MLYCD: variants seen among roughly 807,000 people sequenced by gnomAD.
MLYCD encodes the protein malonyl-CoA decarboxylase, mitochondrial.
Under a neutral mutation model 35.8 loss-of-function variants are expected in MLYCD, and 27 were observed. The observed-to-expected ratio is 0.75, with a 90% CI of 0.56 to 1.04. MLYCD has a LOEUF of 1.04. Among genes scored for constraint, MLYCD ranks in the 50% least tolerant of loss-of-function variants. MLYCD has a pLI of 0.00. For missense variants in MLYCD, 917 were observed against 665.1 expected (o/e 1.38, Z -4.17); for synonymous variants, 403 against 302.4 (o/e 1.33, Z -3.45).
At chr16:83,910,288 C>G (rs1273433612) in intron 3 of MLYCD, among the ~76,000 whole-genome samples, 7 of 151,162 alleles carry the variant, frequency 4.6e-5, no homozygotes, top group Non-Finnish European at 1.0e-4. Context: ...ATACATACCT[C>G]ACTTGTATAA....
intron 1 of MLYCD, among the ~76,000 whole-genome samples, chr16:83,906,510 G>C (rs373746789): frequency 6.6e-6 from 1 of 152,206 alleles, no homozygotes; most frequent in Non-Finnish European, 1.5e-5. Flanking sequence ...TAGGGTTCCT[G>C]AACCAAGTAC....
chr16:83,905,276 C>T (rs1436332095), intron 1 of MLYCD, among the ~76,000 whole-genome samples: 1 of 151,774 alleles, frequency 6.6e-6, no homozygotes, highest in Admixed American at 6.6e-5. Flanking sequence ...TAGGTGTTGC[C>T]CATTGTGTTC....
intron 1 of MLYCD, 75 bp downstream of exon 1, chr16:83,899,747 A>G: frequency 7.1e-7 from 1 of 1,418,256 alleles, no homozygotes; most frequent in South Asian, 1.4e-5. Context: ...TGCCCCCTCC[A>G]AGTCCCACAC....
chr16:83,906,193 C>G (rs1022067715), intron 1 of MLYCD, among the ~76,000 whole-genome samples: 19 of 152,172 alleles, frequency 1.2e-4, no homozygotes, highest in African/African-American at 4.3e-4. Context: ...TCGAGACTAG[C>G]CTGGGCAACG....
chr16:83,909,377 C>T (rs1269823566), intron 3 of MLYCD, among the ~76,000 whole-genome samples: 3 of 152,110 alleles, frequency 2.0e-5, no homozygotes, highest in Admixed American at 6.6e-5. Context: ...AGACACATGG[C>T]GCGGCCTCGT....
In MLYCD at chr16:83,908,210, C is replaced by A; in HGVS notation, c.726C>A (p.His242Gln). ...ACAGAAGGTGTTACTTCTTTTCTCA[C>A]TGTTCGACCCCTGGGGAGCCCCTGG... ...GPYRRCYFFS[H>Q]CSTPGEPLVV... The change falls in exon 3 of 5, where the codon CAC becomes CAA. Residue 242 changes from histidine (H) to glutamine (Q), a missense_variant. Physicochemically the swap from His to Gln is conservative, Grantham distance 24 (BLOSUM62 0). Transcript: ENST00000262430. 2.5e-6 allele frequency: 4 copies of A among 1,614,242 alleles called. No homozygotes were observed. The South Asian group carries it at 3.3e-5, about 13-fold the overall frequency.
chr16:83,920,180 T>TTTTGTTTTGC lies in MLYCD; in HGVS notation c.*4695_*4704dup, dbSNP rs1341155984. The stretch of plus-strand genomic sequence containing the variant: ...AACACACACCCTGTGCACAGTTTTG[T>TTTTGTTTTGC]TTTGTTTTGCTTTTGCAATTCCAGG... On this transcript the variant is annotated 3_prime_UTR_variant, in exon 5 of 5. Transcript: ENST00000262430. 4 of 152,144 alleles carry TTTTGTTTTGC rather than the reference T, an allele frequency of 2.6e-5. No homozygotes were observed. The highest frequency in any genetic ancestry group is 9.7e-5 in the African/African-American group (4 of 41,422). 9.4% of individuals were successfully genotyped at this position (152,144 alleles called of 1,614,324 possible). A position where few individuals can be genotyped will look rare whatever the true frequency, so the allele number is the denominator to read the frequency against.
rs1187732633 is a variant in MLYCD at position 83,923,692 on chromosome 16, G to A, written c.*8203G>A. 6.6e-6 allele frequency: 1 copy of A among 152,372 alleles called. No homozygotes were observed. Among genetic ancestry groups the A allele is most frequent in the African/African-American group, 2.4e-5 (1 of 41,462 alleles). 9.4% of individuals were successfully genotyped at this position (152,372 alleles called of 1,614,324 possible). ...GGCGATGAGGCGGCGAGCTGGGAGAGGGCTGAGCAGCTGGTGAGGGCAGAG... is the reference window on the plus strand; with the variant it reads ...GGCGATGAGGCGGCGAGCTGGGAGAAGGCTGAGCAGCTGGTGAGGGCAGAG... On this transcript the variant is annotated 3_prime_UTR_variant, in exon 5 of 5. Coordinates refer to ENST00000262430, the MANE Select transcript of MLYCD (RefSeq NM_012213.3).
At chr16:83,899,955 C>T (rs190125457) in intron 1 of MLYCD, among the ~76,000 whole-genome samples, 6 of 152,212 alleles carry the variant, frequency 3.9e-5, no homozygotes, top group African/African-American at 1.2e-4. Flanking sequence ...TAGCTGTCAC[C>T]TCTCGTACCT....
At chr16:83,902,924 G>A (rs1275150649) in intron 1 of MLYCD, among the ~76,000 whole-genome samples, 1 of 152,170 alleles carries the variant, frequency 6.6e-6, no homozygotes, top group Non-Finnish European at 1.5e-5. Flanking sequence ...GTGTCCCTGT[G>A]GTTGCATGGT....
intron 3 of MLYCD, among the ~76,000 whole-genome samples, chr16:83,909,870 T>C (rs1907112086): frequency 1.3e-5 from 2 of 150,912 alleles, no homozygotes; most frequent in South Asian, 2.1e-4. Context: ...CGACCTCAGG[T>C]GATCTGCCCG....
rs957673180 is a variant in MLYCD at position 83,901,419 on chromosome 16, T to A, written c.528+1747T>A. On this transcript the variant is annotated intron_variant, in intron 1 of 4. Coordinates refer to ENST00000262430, the MANE Select transcript of MLYCD (RefSeq NM_012213.3). ...TGGGTGTCCTGGCATAAGACACACT[T>A]GACACACTAATCATTCAGCATTTGT... 2.0e-5 allele frequency among the ~76,000 whole-genome samples: 3 copies of A among 152,204 alleles called. 1 individual carries two copies. Among genetic ancestry groups the A allele is most frequent in the Non-Finnish European group, 4.4e-5 (3 of 68,032 alleles).
rs1368434021 is a variant in MLYCD at position 83,918,191 on chromosome 16, TTTC to T, written c.*2705_*2707del. ...GGTTTTATTTATCACTCAGGCAGAG[TTTC>T]TTAACCTTTTGTGAGTTACAGATCA... On this transcript the variant is annotated 3_prime_UTR_variant, in exon 5 of 5. Coordinates refer to ENST00000262430, the MANE Select transcript of MLYCD (RefSeq NM_012213.3). 6.6e-6 allele frequency: 1 copy of T among 152,246 alleles called. No homozygotes were observed. The highest frequency in any genetic ancestry group is 1.9e-4 in the East Asian group (1 of 5,200). 9.4% of individuals were successfully genotyped at this position (152,246 alleles called of 1,614,324 possible).
At chr16:83,903,449 C>T (rs1291013303) in intron 1 of MLYCD, among the ~76,000 whole-genome samples, 1 of 152,202 alleles carries the variant, frequency 6.6e-6, no homozygotes, top group East Asian at 1.9e-4. Flanking sequence ...AATTTCTCAG[C>T]CTCTGCAGTG....
At chr16:83,908,384 T>C in intron 3 of MLYCD, 102 bp downstream of exon 3, 1 of 1,419,278 alleles carries the variant, frequency 7.0e-7, no homozygotes, top group South Asian at 1.3e-5. Context: ...CCTTTTTTTT[T>C]TTTTTAAATA....
Position 83,899,518 on chromosome 16 carries a change from C to A in MLYCD, c.374C>A (p.Ala125Asp), listed in dbSNP as rs1343135050. Residue 125 changes from alanine (A) to aspartate (D), a missense_variant, in exon 1 of 5, where the codon GCC (alanine) becomes GAC (aspartate). Ala to Asp is a moderately radical substitution (Grantham distance 126). Coordinates refer to ENST00000262430, the MANE Select transcript of MLYCD (RefSeq NM_012213.3). ...QQREAAVLLQ[A>D]EDRLRYALVP... ...CGGGAGGCGGCGGTGCTGCTGCAGG[C>A]CGAGGACCGGCTGCGCTACGCGCTG... 1 of 1,588,640 alleles carries A rather than the reference C, an allele frequency of 6.3e-7. No homozygotes were observed. The highest frequency in any genetic ancestry group is 8.5e-7 in the Non-Finnish European group (1 of 1,176,046).
chr16:83,909,118 C>T (rs1204569535), intron 3 of MLYCD, among the ~76,000 whole-genome samples: 1 of 152,154 alleles, frequency 6.6e-6, no homozygotes, highest in South Asian at 2.1e-4. Context: ...GAAAGAGTCA[C>T]ACTCCGATGC....
At chr16:83,903,894 G>A (rs564759024) in intron 1 of MLYCD, among the ~76,000 whole-genome samples, 8 of 152,292 alleles carry the variant, frequency 5.3e-5, no homozygotes, top group South Asian at 2.1e-4. Flanking sequence ...CTGAATTAAC[G>A]CACGTACAGT....
chr16:83,899,735 C>G (rs1350423121), intron 1 of MLYCD, 63 bp downstream of exon 1: 22 of 1,445,560 alleles, frequency 1.5e-5, no homozygotes, highest in African/African-American at 2.9e-5. Context: ...GTAGTCCTCA[C>G]TTGCCCCCTC....
Sources: allele counts gnomAD v4.1 joint callset (sites outside exome capture counted in the v4.1 genomes callset), GRCh38; gene constraint gnomAD v4.1.1; transcripts MANE v1.5; gene names NCBI Gene and HGNC (gene_info 2026-07-23, HGNC 2026-07-21).